The following USP34 variants were observed in gnomAD, a reference collection of about 807,000 sequenced individuals.
USP34 encodes the protein ubiquitin specific peptidase 34, also known as ubiquitin carboxyl-terminal hydrolase 34.
Under a neutral mutation model 460.3 loss-of-function variants are expected in USP34, and 70 were observed. The ratio of observed to expected loss-of-function variants is 0.15; its 90% CI spans 0.13 to 0.19. USP34 has a LOEUF of 0.19. Among genes scored for constraint, USP34 ranks in the 10% least tolerant of loss-of-function variants. The pLI, the probability that USP34 is intolerant of heterozygous loss-of-function variation, is 1.00. For missense variants in USP34, 3,985 were observed against 4,236.2 expected, an observed-to-expected ratio of 0.94 and a Z score of 1.65; for synonymous variants, 1,647 against 1,405.3, an observed-to-expected ratio of 1.17 and a Z score of -3.85.
chr2:61,378,923 A>AAAAAAAAAAAAAAAAAAAAAAT (rs1692882450), intron 7 of USP34, among the ~76,000 whole-genome samples: 1 of 148,636 alleles, frequency 6.7e-6, no homozygotes, highest in Admixed American at 6.7e-5. Flanking sequence ...GAAAAAAAAA[A>AAAAAAAAAAAAAAAAAAAAAAT]AAAAAAAAAA....
chr2:61,393,114 A>C (rs533471579), intron 5 of USP34, among the ~76,000 whole-genome samples: 1 of 152,182 alleles, frequency 6.6e-6, no homozygotes, highest in African/African-American at 2.4e-5. Flanking sequence ...TATCATCATC[A>C]TTCCCATTTT....
In USP34 at chr2:61,229,489, C is replaced by CAA. The variant is rs1687830787; in HGVS notation, c.7199+57_7199+58dup. 11 of 409,672 alleles carry CAA rather than the reference C, an allele frequency of 2.7e-5. 1 individual carries two copies. The East Asian group carries it at 8.6e-4, about 32-fold the overall frequency. 25.4% of individuals were successfully genotyped at this position (409,672 alleles called of 1,614,324 possible). Reference sequence around the variant, plus strand: ...AAAAAAAAAAAACAAAAAAAAAAAACAAAAACACCACACACACACAACACA... The same window carrying CAA: ...AAAAAAAAAAAACAAAAAAAAAAAACAAAAAAACACCACACACACACAACACA... On this transcript the variant is annotated intron_variant, in intron 59 of 79. Transcript: ENST00000398571.
intron 21 of USP34, 99 bp downstream of exon 21, chr2:61,325,276 T>TAAAAAAAA: frequency 1.7e-6 from 1 of 604,504 alleles, no homozygotes; most frequent in Non-Finnish European, 2.6e-6. Flanking sequence ...TAAATTAAAC[T>TAAAAAAAA]AAAAAAAAAA....
At chr2:61,296,388 T>C (rs1436402880) in intron 30 of USP34, among the ~76,000 whole-genome samples, 1 of 152,216 alleles carries the variant, frequency 6.6e-6, no homozygotes, top group East Asian at 1.9e-4. Flanking sequence ...TAAATTTATT[T>C]GCCTCATTTT....
chr2:61,210,256 G>C (rs183668563), intron 69 of USP34, among the ~76,000 whole-genome samples: 1 of 152,124 alleles, frequency 6.6e-6, no homozygotes, highest in Non-Finnish European at 1.5e-5. Context: ...AGTCTTGCAA[G>C]CACCATTCAT....
chr2:61,467,056 A>C (rs1174771101), intron 1 of USP34, among the ~76,000 whole-genome samples: 1 of 152,110 alleles, frequency 6.6e-6, no homozygotes, highest in Non-Finnish European at 1.5e-5. Flanking sequence ...CTGTAATCCT[A>C]GCATTTTGGG....
At chr2:61,362,670 A>G (rs1303703868) in intron 10 of USP34, among the ~76,000 whole-genome samples, 3 of 152,176 alleles carry the variant, frequency 2.0e-5, no homozygotes, top group African/African-American at 4.8e-5. Flanking sequence ...AAAAGAGTAT[A>G]AAGTTTAAGT....
intron 49 of USP34, among the ~76,000 whole-genome samples, chr2:61,247,642 T>C (rs919420262): frequency 2.0e-5 from 3 of 152,128 alleles, no homozygotes; most frequent in African/African-American, 7.2e-5. Context: ...GATCCTCCCA[T>C]CTCAGCCTCC....
intron 2 of USP34, among the ~76,000 whole-genome samples, chr2:61,415,376 G>T (rs893633571): frequency 6.6e-6 from 1 of 152,154 alleles, no homozygotes; most frequent in African/African-American, 2.4e-5. Flanking sequence ...AAGAAAGAGA[G>T]AACATGCAAG....
intron 41 of USP34, among the ~76,000 whole-genome samples, chr2:61,276,582 T>A (rs1411659268): frequency 6.6e-6 from 1 of 152,164 alleles, no homozygotes; most frequent in Non-Finnish European, 1.5e-5. Flanking sequence ...TTTTGTACTA[T>A]CTAAAATTAT....
At chr2:61,305,867 G>A (rs145978674) in intron 27 of USP34, among the ~76,000 whole-genome samples, 32 of 151,954 alleles carry the variant, frequency 2.1e-4, no homozygotes, top group Non-Finnish European at 3.4e-4. Flanking sequence ...AATAATAACA[G>A]AACAACAATT....
intron 34 of USP34, among the ~76,000 whole-genome samples, chr2:61,286,610 G>A (rs1689697934): frequency 6.6e-6 from 1 of 152,038 alleles, no homozygotes; most frequent in South Asian, 2.1e-4. Context: ...AGCCGAGATG[G>A]CGCCAGTGCA....
chr2:61,260,752 A>G (rs186598151), intron 43 of USP34, among the ~76,000 whole-genome samples: 3 of 152,334 alleles, frequency 2.0e-5, no homozygotes, highest in Admixed American at 1.3e-4. Context: ...AAGTCACACA[A>G]AATGAAATTT....
intron 72 of USP34, among the ~76,000 whole-genome samples, chr2:61,205,474 A>G (rs1315877837): frequency 6.6e-6 from 1 of 152,208 alleles, no homozygotes; most frequent in Non-Finnish European, 1.5e-5. Context: ...CTATTTTGAG[A>G]AAGTGTAAAA....
intron 1 of USP34, among the ~76,000 whole-genome samples, chr2:61,434,216 G>C (rs148308185): frequency 9.9e-5 from 15 of 152,260 alleles, no homozygotes; most frequent in African/African-American, 3.1e-4. Flanking sequence ...GAACAGCCCT[G>C]CGCCCCCAAT....
intron 5 of USP34, among the ~76,000 whole-genome samples, chr2:61,393,749 A>T (rs1354962357): frequency 6.6e-6 from 1 of 152,236 alleles, no homozygotes; most frequent in East Asian, 1.9e-4. Flanking sequence ...AGTGTTTGGT[A>T]AAGGTACACT....
At chr2:61,275,459 T>C (rs1034248049) in intron 41 of USP34, among the ~76,000 whole-genome samples, 7 of 151,498 alleles carry the variant, frequency 4.6e-5, no homozygotes, top group African/African-American at 1.7e-4. Flanking sequence ...TCTACAAAAA[T>C]AAATAAATAA....
At chr2:61,415,711 T>A (rs575226130) in intron 2 of USP34, among the ~76,000 whole-genome samples, 4 of 152,342 alleles carry the variant, frequency 2.6e-5, no homozygotes, top group South Asian at 4.1e-4. Flanking sequence ...TTAATTTTTT[T>A]AAACTCTGTA....
chr2:61,388,766 T>TATATATAG (rs1693248963), intron 5 of USP34, among the ~76,000 whole-genome samples: 3 of 6,164 alleles, frequency 4.9e-4, no homozygotes, highest in Non-Finnish European at 1.4e-3. Flanking sequence ...AGAAAAAGAA[T>TATATATAG]ATATATATAT....
Sources: allele counts gnomAD v4.1 joint callset (sites outside exome capture counted in the v4.1 genomes callset), GRCh38; gene constraint gnomAD v4.1.1; transcripts MANE v1.5; gene names NCBI Gene and HGNC (gene_info 2026-07-23, HGNC 2026-07-21).